Variants in CDKN1A observed in about 807,000 individuals in gnomAD.
CDKN1A encodes the protein cyclin-dependent kinase inhibitor 1.
Under a neutral mutation model 14.8 loss-of-function variants are expected in CDKN1A, and 14 were observed. The ratio of observed to expected loss-of-function variants is 0.94; its 90% CI spans 0.62 to 1.48. CDKN1A has a LOEUF of 1.48. Ranked by LOEUF, CDKN1A falls within the 40% of genes most tolerant of loss-of-function variation. CDKN1A has a pLI of 0.00. For synonymous variants in CDKN1A, 92 were observed against 93.5 expected, an observed-to-expected ratio of 0.98 and a Z score of 0.09; for missense variants, 203 against 231.7, an observed-to-expected ratio of 0.88 and a Z score of 0.80.
chr6:36,680,307 C>CGTGTGTGTGTGTGTGTGTGTGTGTGTGT (rs59454180), intron 1 of CDKN1A, among the ~76,000 whole-genome samples: 1 of 133,188 alleles, frequency 7.5e-6, no homozygotes, highest in African/African-American at 2.9e-5. Flanking sequence ...TCTGCGCGGG[C>CGTGTGTGTGTGTGTGTGTGTGTGTGTGT]GTGTGTGTGT....
chr6:36,684,006 C>G lies in CDKN1A; in HGVS notation c.-5-91C>G. The G allele has an allele frequency of 8.2e-7, 1 of 1,215,768 alleles. No individual in the cohort carries two copies. 75.3% of individuals were successfully genotyped at this position (1,215,768 alleles called of 1,614,324 possible). On this transcript the variant is annotated intron_variant, in intron 1 of 2. Transcript: ENST00000244741. The surrounding 1 kb of genome is among the most constrained non-coding windows in gnomAD (Gnocchi z 6.0). ...TGAGAGAGACCCTCTGGTAGGAAGACGTCACCTGAGGTGACACAGCAAAGC... is the reference window on the plus strand; with the variant it reads ...TGAGAGAGACCCTCTGGTAGGAAGAGGTCACCTGAGGTGACACAGCAAAGC...
chr6:36,676,463 A>T (rs1562034806), upstream of CDKN1A: 1 of 152,288 alleles, frequency 6.6e-6, no homozygotes, highest in Non-Finnish European at 1.5e-5. Context: ...ATGTCCCAAC[A>T]TGTTGAGCTC....
intron 1 of CDKN1A, chr6:36,680,703 C>T (rs1327437928): frequency 6.6e-6 from 1 of 152,224 alleles, no homozygotes; most frequent in Non-Finnish European, 1.5e-5. Context: ...CTCCTGGGCT[C>T]ATCCGAGATC....
upstream of CDKN1A, among the ~76,000 whole-genome samples, chr6:36,676,816 C>T (rs1257641467): frequency 6.6e-6 from 1 of 151,792 alleles, no homozygotes; most frequent in African/African-American, 2.4e-5. Flanking sequence ...TAGTACTAGA[C>T]ACTTAGTAGG....
chr6:36,683,282 C>T (rs955483662), intron 1 of CDKN1A, among the ~76,000 whole-genome samples: 11 of 152,106 alleles, frequency 7.2e-5, no homozygotes, highest in East Asian at 5.8e-4. Context: ...AGTTGCTTGC[C>T]CAGGGTCACC....
At chr6:36,679,015 G>A (rs1026330242) in intron 1 of CDKN1A, 39 of 970,182 alleles carry the variant, frequency 4.0e-5, no homozygotes, top group Non-Finnish European at 4.6e-5. Context: ...GACGAGAGTC[G>A]GGATGTGCCG....
chr6:36,685,098 C>T (rs2150314894), intron 2 of CDKN1A, among the ~76,000 whole-genome samples: 1 of 152,290 alleles, frequency 6.6e-6, no homozygotes, highest in South Asian at 2.1e-4. Context: ...CCTCAGCCTC[C>T]CAAAGTGTTG....
chr6:36,682,923 G>A lies in CDKN1A; in HGVS notation c.-5-1174G>A, dbSNP rs76912863. On this transcript the variant is annotated intron_variant, in intron 1 of 2. Coordinates refer to ENST00000244741, the MANE Select transcript of CDKN1A (RefSeq NM_000389.5). ...TCAGATCACCTGATGTGCCTGGCAGGATGTGGCTCAGCCTGGGAGAAATCA... is the reference window on the plus strand; with the variant it reads ...TCAGATCACCTGATGTGCCTGGCAGAATGTGGCTCAGCCTGGGAGAAATCA... 4.8e-3 allele frequency among the ~76,000 whole-genome samples: 727 copies of A among 152,336 alleles called. 1 individual carries two copies. The highest frequency in any genetic ancestry group is 7.7e-3 in the Non-Finnish European group (524 of 68,032).
intron 1 of CDKN1A, among the ~76,000 whole-genome samples, chr6:36,679,407 G>C (rs1158958213): frequency 6.6e-6 from 1 of 152,188 alleles, no homozygotes; most frequent in African/African-American, 2.4e-5. Context: ...AATGTGCCAG[G>C]ACCCGTCCCC....
Position 36,684,014 on chromosome 6 carries a change from GAGGTGACAC to G in CDKN1A, c.-5-80_-5-72del. 7.6e-7 allele frequency: 1 copy of G among 1,314,508 alleles called. No homozygotes were observed. The highest frequency in any genetic ancestry group is 1.1e-6 in the Non-Finnish European group (1 of 934,338). The allele number at this position is 1,314,508 out of a possible 1,614,324, so 81.4% of individuals were successfully genotyped here. Reference sequence around the variant, plus strand: ...ACCCTCTGGTAGGAAGACGTCACCTGAGGTGACACAGCAAAGCCCGGCCAGGTAACATAG... The same window carrying G: ...ACCCTCTGGTAGGAAGACGTCACCTGAGCAAAGCCCGGCCAGGTAACATAG... On this transcript the variant is annotated intron_variant, in intron 1 of 2. Transcript: ENST00000244741. This position sits in a 1 kb window ranked among gnomAD's most constrained non-coding sequence, Gnocchi z 6.0.
upstream of CDKN1A, among the ~76,000 whole-genome samples, chr6:36,676,943 T>A (rs1170535490): frequency 6.6e-6 from 1 of 152,106 alleles, no homozygotes; most frequent in Non-Finnish European, 1.5e-5. Flanking sequence ...ACCACAAAAA[T>A]TTAAATAATT....
At chr6:36,679,671 G>A (rs1183900984) in intron 1 of CDKN1A, among the ~76,000 whole-genome samples, 3 of 152,218 alleles carry the variant, frequency 2.0e-5, no homozygotes, top group Non-Finnish European at 4.4e-5. Flanking sequence ...AGGGGTCGGG[G>A]AGTCACGGCC....
At chr6:36,679,899 C>A (rs1475254507) in intron 1 of CDKN1A, among the ~76,000 whole-genome samples, 1 of 152,054 alleles carries the variant, frequency 6.6e-6, no homozygotes. Flanking sequence ...CTGCTCAGGG[C>A]CTCTATCAGC....
rs770464093 is a variant in CDKN1A, at chr6:36,684,168, G to C, written c.67G>C (p.Gly23Arg). The change falls in exon 2 of 3, where the codon GGC becomes CGC. Residue 23 changes from glycine to arginine, a missense_variant. Gly to Arg is a moderately radical substitution (Grantham distance 125). Coordinates refer to ENST00000244741, the MANE Select transcript of CDKN1A (RefSeq NM_000389.5). The surrounding 1 kb of genome is among the most constrained non-coding windows in gnomAD (Gnocchi z 6.0). ...CAGCAAGGCCTGCCGCCGCCTCTTC[G>C]GCCCAGTGGACAGCGAGCAGCTGAG... The part of the protein sequence containing the change: ...CGSKACRRLF[G>R]PVDSEQLSRD... 1 of 1,612,370 alleles carries C rather than the reference G, an allele frequency of 6.2e-7. No individual in the cohort carries two copies. Among genetic ancestry groups the C allele is most frequent in the Non-Finnish European group, 8.5e-7 (1 of 1,180,004 alleles).
intron 1 of CDKN1A, among the ~76,000 whole-genome samples, chr6:36,681,381 C>CTT (rs1433169736): frequency 2.8e-5 from 2 of 71,978 alleles, no homozygotes; most frequent in Non-Finnish European, 5.4e-5. Flanking sequence ...TTCTTTCTTT[C>CTT]TTTCTTTCTT....
chr6:36,679,693 G>A (rs1351500491), intron 1 of CDKN1A, among the ~76,000 whole-genome samples: 1 of 152,210 alleles, frequency 6.6e-6, no homozygotes, highest in Middle Eastern at 3.2e-3. Context: ...TGCTCTGGGC[G>A]GGCTCTAACC....
intron 1 of CDKN1A, among the ~76,000 whole-genome samples, chr6:36,681,377 C>CTTTCTTTTTCTTTCT (rs1761981651): frequency 8.0e-5 from 5 of 62,568 alleles, no homozygotes; most frequent in African/African-American, 2.7e-4. Context: ...TTCTTTCTTT[C>CTTTCTTTTTCTTTCT]TTTCTTTCTT....
Position 36,686,109 on chromosome 6 carries a change from C to T in CDKN1A, c.*309C>T. ...CTCTCCCGGAGGTTGGGTGGGCCGG[C>T]TTCATGCCAGCTACTTCCTCCTCCC... On this transcript the variant is annotated 3_prime_UTR_variant, in exon 3 of 3. Transcript: ENST00000244741. The surrounding 1 kb of genome is among the most constrained non-coding windows in gnomAD (Gnocchi z 4.9). The T allele has an allele frequency of 2.1e-6, 1 of 484,692 alleles. No homozygotes were observed. Among genetic ancestry groups the T allele is most frequent in the South Asian group, 2.2e-5 (1 of 45,694 alleles). The allele number at this position is 484,692 out of a possible 1,614,324, so 30.0% of individuals were successfully genotyped here.
Position 36,687,233 on chromosome 6 carries a change from G to A in CDKN1A, c.*1433G>A, listed in dbSNP as rs1194188901. The A allele has an allele frequency of 1.3e-5, 3 of 232,956 alleles. No individual in the cohort carries two copies. In the South Asian group the frequency reaches 5.4e-4, roughly 42 times the overall value. The allele number at this position is 232,956 out of a possible 1,614,324, so 14.4% of individuals were successfully genotyped here. A position where few individuals can be genotyped will look rare whatever the true frequency, so the allele number is the denominator to read the frequency against. ...TCCACCTAGACTGTAAACCTCTCGA[G>A]GGCAGGGACCACACCCTGTACTGTT... On this transcript the variant is annotated 3_prime_UTR_variant, in exon 3 of 3. Coordinates refer to ENST00000244741, the MANE Select transcript of CDKN1A (RefSeq NM_000389.5).
Sources: allele counts gnomAD v4.1 joint callset (sites outside exome capture counted in the v4.1 genomes callset), GRCh38; gene constraint gnomAD v4.1.1; non-coding constraint Gnocchi (gnomAD v3.1); transcripts MANE v1.5; gene names NCBI Gene and HGNC (gene_info 2026-07-23, HGNC 2026-07-21).